Variants in RHPN1 observed in about 807,000 individuals in gnomAD.
RHPN1 encodes the protein rhophilin-1.
In RHPN1, 77 loss-of-function variants were observed where a neutral mutation model predicts 74.7. The observed-to-expected ratio is 1.03, with a 90% CI of 0.86 to 1.25. The LOEUF is 1.25. Among genes scored for constraint, RHPN1 ranks in the 50% most tolerant of loss-of-function variants. The probability of loss-of-function intolerance (pLI) is 0.00; values close to 1 mark genes in which losing one functional copy is unlikely to be tolerated. For missense variants in RHPN1, 987 were observed against 932.2 expected, an observed-to-expected ratio of 1.06 and a Z score of -0.77; for synonymous variants, 444 against 414.5, an observed-to-expected ratio of 1.07 and a Z score of -0.87.
intron 1 of RHPN1, among the ~76,000 whole-genome samples, chr8:143,374,595 C>G (rs555786725): frequency 1.0e-3 from 156 of 152,264 alleles, no homozygotes; most frequent in Admixed American, 1.7e-3. Context: ...GGAGCCCACC[C>G]AGGGGACAGC....
chr8:143,382,706 G>T lies in RHPN1; in HGVS notation c.*55G>T. 1.4e-6 allele frequency: 2 copies of T among 1,472,772 alleles called. No homozygotes were observed. The highest frequency in any genetic ancestry group is 2.4e-5 in the South Asian group (2 of 82,866). 91.2% of individuals were successfully genotyped at this position (1,472,772 alleles called of 1,614,324 possible). On this transcript the variant is annotated 3_prime_UTR_variant, in exon 15 of 15. Transcript: ENST00000289013. Reference sequence around the variant, plus strand: ...GGCTCCAGCTGGCAGCAAGCACCGAGCATGCCCTCCCCACCCAGAGGACCT... The same window carrying T: ...GGCTCCAGCTGGCAGCAAGCACCGATCATGCCCTCCCCACCCAGAGGACCT...
intron 12 of RHPN1, 44 bp from the exon 13 acceptor site, chr8:143,381,528 A>C (rs376833197): frequency 6.3e-7 from 1 of 1,577,014 alleles, no homozygotes; most frequent in Non-Finnish European, 8.6e-7. Context: ...GGGTCTCCTC[A>C]GTGTGTGGCC....
At chr8:143,371,705 C>T (rs1817831948) in intron 1 of RHPN1, among the ~76,000 whole-genome samples, 1 of 152,216 alleles carries the variant, frequency 6.6e-6, no homozygotes, top group Non-Finnish European at 1.5e-5. Flanking sequence ...TGTGTGGCTG[C>T]CTCTCGGGAC....
chr8:143,378,564 C>G (rs1401391049), intron 5 of RHPN1, 132 bp from the exon 6 acceptor site: 1 of 1,288,456 alleles, frequency 7.8e-7, no homozygotes, highest in African/African-American at 1.5e-5. Context: ...CTTCGGGAGT[C>G]ACGGCTGCCC....
intron 1 of RHPN1, among the ~76,000 whole-genome samples, chr8:143,370,176 G>A (rs575983564): frequency 6.6e-6 from 1 of 152,324 alleles, no homozygotes; most frequent in South Asian, 2.1e-4. Context: ...GGGCTCCGGA[G>A]GTGACGCTTT....
Position 143,378,787 on chromosome 8 carries a change from C to T in RHPN1, c.551C>T (p.Thr184Ile). The T allele has an allele frequency of 6.4e-7, 1 of 1,567,776 alleles. No homozygotes were observed. ...TGCTTCCTGGATGCGCGCTTCCTCA[C>T]CCCTGCCAGGAGCCTCGGGCTCTTC... ...QLCFLDARFL[T>I]PARSLGLFFH... The change falls in exon 6 of 15, where the codon ACC becomes ATC. Residue 184 changes from threonine to isoleucine, a missense_variant. By Grantham distance (89) the Thr-to-Ile change is moderately conservative. Coordinates refer to ENST00000289013, the MANE Select transcript of RHPN1 (RefSeq NM_052924.3).
intron 1 of RHPN1, among the ~76,000 whole-genome samples, chr8:143,371,201 C>G (rs1428911798): frequency 1.3e-5 from 2 of 152,266 alleles, no homozygotes; most frequent in Non-Finnish European, 2.9e-5. Flanking sequence ...GCCCTGTGTC[C>G]CAGGAGACAC....
chr8:143,381,357 G>A lies in RHPN1; in HGVS notation c.1488+13G>A, dbSNP rs191241838. Reference sequence around the variant, plus strand: ...CTTCCATCGGCTGGTGAGCACACCCGTCCCCAGGCACCGCCCAGCATGGGC... The same window carrying A: ...CTTCCATCGGCTGGTGAGCACACCCATCCCCAGGCACCGCCCAGCATGGGC... On this transcript the variant is annotated intron_variant, in intron 12 of 14. Coordinates refer to ENST00000289013, the MANE Select transcript of RHPN1 (RefSeq NM_052924.3). 194 of 1,600,500 alleles carry A rather than the reference G, an allele frequency of 1.2e-4. 2 individuals carry two copies. In the East Asian group the frequency reaches 3.7e-3, roughly 31 times the overall value.
rs1586804947 is a variant in RHPN1 at position 143,372,412 on chromosome 8, T to C, written c.61-3141T>C. 2.0e-5 allele frequency among the ~76,000 whole-genome samples: 3 copies of C among 152,162 alleles called. No individual in the cohort carries two copies. The South Asian group carries it at 6.2e-4, about 32-fold the overall frequency. On this transcript the variant is annotated intron_variant, in intron 1 of 14. Transcript: ENST00000289013. The stretch of plus-strand genomic sequence containing the variant: ...CTCCAGCCCGAGTCCCTGAAGCAGC[T>C]CTGGAGGGAATTTCTTTTCTGGAGG...
intron 3 of RHPN1, 144 bp downstream of exon 3, chr8:143,376,797 C>T (rs570308730): frequency 9.3e-6 from 9 of 970,216 alleles, no homozygotes; most frequent in East Asian, 8.3e-5. Context: ...TGTGTGCATG[C>T]ATGTCTGTGC....
upstream of RHPN1, chr8:143,368,752 G>A (rs1586796370): frequency 3.2e-6 from 1 of 309,072 alleles, no homozygotes; most frequent in Non-Finnish European, 5.9e-6. Flanking sequence ...TGATATAGCT[G>A]TCCGTCGAAG....
Position 143,378,357 on chromosome 8 carries a change from C to CGGGG in RHPN1, c.459+11_459+12insGGGG. 1 of 1,520,940 alleles carries CGGGG rather than the reference C, an allele frequency of 6.6e-7. No individual in the cohort carries two copies. The highest frequency in any genetic ancestry group is 8.9e-7 in the Non-Finnish European group (1 of 1,127,158). The allele number at this position is 1,520,940 out of a possible 1,614,324, so 94.2% of individuals were successfully genotyped here. Reference sequence around the variant, plus strand: ...GAGGCCCTGCGGCAGGTGTGTGGTTCCCCCGCCCACCCACCCTCCTGCAGC... The same window carrying CGGGG: ...GAGGCCCTGCGGCAGGTGTGTGGTTCGGGGCCCCGCCCACCCACCCTCCTGCAGC... On this transcript the variant is annotated intron_variant, in intron 5 of 14. Transcript: ENST00000289013.
intron 1 of RHPN1, among the ~76,000 whole-genome samples, chr8:143,372,570 C>T (rs995368694): frequency 1.6e-4 from 24 of 151,996 alleles, no homozygotes; most frequent in African/African-American, 2.4e-4. Context: ...ACCCTCCTTC[C>T]GGCTGCCTGT....
intron 14 of RHPN1, among the ~76,000 whole-genome samples, 186 bp downstream of exon 14, chr8:143,382,154 C>A (rs1818785329): frequency 1.3e-5 from 2 of 152,206 alleles, no homozygotes; most frequent in Admixed American, 1.3e-4. Flanking sequence ...TTGCCCTGAC[C>A]CCGAGGATGC....
chr8:143,377,583 T>A, intron 4 of RHPN1, 128 bp downstream of exon 4: 1 of 660,314 alleles, frequency 1.5e-6, no homozygotes, highest in Non-Finnish European at 2.6e-6. Flanking sequence ...GAGGGAGGCT[T>A]AAAAGGGACG....
At chr8:143,373,291 T>G (rs1211232923) in intron 1 of RHPN1, among the ~76,000 whole-genome samples, 1 of 1,100 alleles carries the variant, frequency 9.1e-4, no homozygotes, top group Non-Finnish European at 1.3e-3. Context: ...TGTGGGGGTT[T>G]GGGGATGGCG....
chr8:143,378,836 G>A lies in RHPN1; in HGVS notation c.584+16G>A, dbSNP rs538749003. ...TCTTCCACTGGTAGGGGCTCTGCGG[G>A]CGGAGGCACCCTGGGGAGGGGAGGC... On this transcript the variant is annotated intron_variant, in intron 6 of 14. Transcript: ENST00000289013. The A allele has an allele frequency of 6.4e-7, 1 of 1,565,248 alleles. No individual in the cohort carries two copies. The highest frequency in any genetic ancestry group is 2.4e-5 in the East Asian group (1 of 41,780).
intron 3 of RHPN1, among the ~76,000 whole-genome samples, chr8:143,376,911 TC>T (rs1378180960): frequency 6.2e-5 from 9 of 144,240 alleles, no homozygotes; most frequent in African/African-American, 2.4e-4. Context: ...TGCGCGTGTG[TC>T]TGTGTGTCTG....
chr8:143,368,971 GC>G lies in RHPN1; in HGVS notation c.-16del. The G allele has an allele frequency of 2.0e-6, 3 of 1,472,226 alleles. No homozygotes were observed. Among genetic ancestry groups the G allele is most frequent in the Non-Finnish European group, 2.7e-6 (3 of 1,119,290 alleles). The allele number at this position is 1,472,226 out of a possible 1,614,324, so 91.2% of individuals were successfully genotyped here. ...GCTGGCTGACCCCGAGGGACCCCCA[GC>G]GCAGCGGGTGCGGCGATGATCCTGG... On this transcript the variant is annotated 5_prime_UTR_variant, in exon 1 of 15. Coordinates refer to ENST00000289013, the MANE Select transcript of RHPN1 (RefSeq NM_052924.3).
Sources: gnomAD v4.1 joint callset for allele counts (sites outside exome capture counted in the v4.1 genomes callset) on GRCh38, gnomAD v4.1.1 for gene constraint, MANE v1.5 for transcripts, NCBI Gene and HGNC (gene_info 2026-07-23, HGNC 2026-07-21) for gene names.